The following AK7 variants were observed in gnomAD, a reference collection of about 807,000 sequenced individuals.
AK7 encodes the protein ATP-AMP transphosphorylase 7.
AK7 carries 78 observed loss-of-function variants against 96.6 expected under a neutral mutation model. That is an observed-to-expected ratio of 0.81 (90% CI 0.67 to 0.97). The LOEUF is 0.97. AK7 is among the 50% of genes least tolerant of loss of function. The pLI is 0.00. For synonymous variants in AK7, 302 were observed against 317.2 expected, an observed-to-expected ratio of 0.95 and a Z score of 0.51; for missense variants, 855 against 887.9, an observed-to-expected ratio of 0.96 and a Z score of 0.47.
rs535377026 is a variant in AK7, at chr14:96,475,603, T to C, written c.1555+2848T>C. ...ATAGGAGGGGCATTCCCAAGCAAGT[T>C]GTTACTATCTTTAGGTATTGGCTAG... On this transcript the variant is annotated intron_variant, in intron 14 of 17. Coordinates refer to ENST00000267584, the MANE Select transcript of AK7 (RefSeq NM_152327.5). Among the ~76,000 whole-genome samples, 3 of 152,266 alleles carry C rather than the reference T, an allele frequency of 2.0e-5. No individual in the cohort carries two copies. In the East Asian group the frequency reaches 5.8e-4, roughly 29 times the overall value.
chr14:96,478,415 A>G (rs1895305031), intron 14 of AK7, 50 bp from the exon 15 acceptor site: 2 of 1,589,626 alleles, frequency 1.3e-6, no homozygotes, highest in Non-Finnish European at 1.7e-6. Flanking sequence ...GCACCCTGCT[A>G]GTTAGCTGCG....
At chr14:96,436,073 C>G (rs1056361220) in intron 5 of AK7, among the ~76,000 whole-genome samples, 8 of 152,088 alleles carry the variant, frequency 5.3e-5, no homozygotes, top group African/African-American at 1.9e-4. Flanking sequence ...TCCATCCCGC[C>G]ATCTTGCCCT....
At chr14:96,463,451 G>A (rs893847297) in intron 12 of AK7, among the ~76,000 whole-genome samples, 2 of 151,942 alleles carry the variant, frequency 1.3e-5, no homozygotes, top group African/African-American at 4.8e-5. Flanking sequence ...CGGGCGCGGT[G>A]GCTCACTCCT....
At position 96,422,690 on chromosome 14, in the gene AK7, TGGCATTGTCTTTACAC is replaced by T. The variant is rs373729405; in HGVS notation, c.609+1759_609+1774del. Among the ~76,000 whole-genome samples, 1,454 of 152,322 alleles carry T rather than the reference TGGCATTGTCTTTACAC, an allele frequency of 9.5e-3. 7 individuals are homozygous for T. Among genetic ancestry groups the T allele is most frequent in the Non-Finnish European group, 0.014 (920 of 68,024 alleles). On this transcript the variant is annotated intron_variant, in intron 5 of 17. Transcript: ENST00000267584. ...GTTGGCTCATTCTGGCAGCCCAACCTGGCATTGTCTTTACACAATTCTGCATGCAATTTTGTATTTA... is the reference window on the plus strand; with the variant it reads ...GTTGGCTCATTCTGGCAGCCCAACCTAATTCTGCATGCAATTTTGTATTTA...
chr14:96,446,230 GCTAGAAAGAAGACAGGT>G (rs1368445546), intron 7 of AK7, among the ~76,000 whole-genome samples: 2 of 152,170 alleles, frequency 1.3e-5, no homozygotes, highest in African/African-American at 4.8e-5. Context: ...AGGGCAGTAT[GCTAGAAAGAAGACAGGT>G]CCAGAACCAG....
intron 5 of AK7, among the ~76,000 whole-genome samples, chr14:96,431,237 G>T (rs2140067462): frequency 6.6e-6 from 1 of 152,002 alleles, no homozygotes; most frequent in East Asian, 1.9e-4. Context: ...TTTTTGAAGG[G>T]TTTTTTTGTG....
chr14:96,435,149 C>T (rs1892570967), intron 5 of AK7, among the ~76,000 whole-genome samples: 1 of 152,116 alleles, frequency 6.6e-6, no homozygotes, highest in Non-Finnish European at 1.5e-5. Context: ...TTACTGTTCC[C>T]TCTGCTTTTC....
intron 4 of AK7, among the ~76,000 whole-genome samples, chr14:96,415,003 C>G (rs1891247950): frequency 6.6e-6 from 1 of 151,916 alleles, no homozygotes; most frequent in Admixed American, 6.6e-5. Context: ...AACCCACCTG[C>G]CTTGGCCTCC....
intron 5 of AK7, among the ~76,000 whole-genome samples, chr14:96,428,807 G>T (rs1421223488): frequency 6.6e-6 from 1 of 152,136 alleles, no homozygotes; most frequent in Non-Finnish European, 1.5e-5. Context: ...TTTTGATGGG[G>T]TTGTTTGATT....
Position 96,398,072 on chromosome 14 carries a change from C to A in AK7, c.106-3C>A. Reference sequence around the variant, plus strand: ...CATTTGGGAAATTTCTGTTTCCTTGCAGTTTCTATCTAACTGTGTAGTTGG... The same window carrying A: ...CATTTGGGAAATTTCTGTTTCCTTGAAGTTTCTATCTAACTGTGTAGTTGG... On this transcript the variant is annotated splice_region_variant and splice_polypyrimidine_tract_variant and intron_variant, in intron 1 of 17. Transcript: ENST00000267584. 4 of 1,611,258 alleles carry A rather than the reference C, an allele frequency of 2.5e-6. No homozygotes were observed. The highest frequency in any genetic ancestry group is 3.4e-6 in the Non-Finnish European group (4 of 1,178,342).
intron 10 of AK7, among the ~76,000 whole-genome samples, chr14:96,456,108 G>A (rs932286692): frequency 6.6e-6 from 1 of 151,822 alleles, no homozygotes; most frequent in African/African-American, 2.4e-5. Flanking sequence ...GCATGGTGGT[G>A]CGCACATGTA....
intron 4 of AK7, 124 bp from the exon 5 acceptor site, chr14:96,420,698 T>C: frequency 1.4e-6 from 1 of 694,138 alleles, no homozygotes. Context: ...GTCTCAAAAA[T>C]AAAAAAATAA....
rs187488073 is a variant in AK7 at position 96,412,045 on chromosome 14, G to T, written c.498+3104G>T. Among the ~76,000 whole-genome samples, 4 of 152,178 alleles carry T rather than the reference G, an allele frequency of 2.6e-5. No individual in the cohort carries two copies. The East Asian group carries it at 5.8e-4, about 22-fold the overall frequency. On this transcript the variant is annotated intron_variant, in intron 4 of 17. Coordinates refer to ENST00000267584, the MANE Select transcript of AK7 (RefSeq NM_152327.5). ...TCTTTTTCGTTTTGTTTTTAGAGAC[G>T]AAGTCTATAAAACAGAGCCCTCCAA...
intron 2 of AK7, among the ~76,000 whole-genome samples, chr14:96,402,177 A>G (rs1890447043): frequency 7.7e-6 from 1 of 130,516 alleles, no homozygotes. Context: ...GAAAGTGCAT[A>G]CACAGATGCA....
intron 7 of AK7, among the ~76,000 whole-genome samples, chr14:96,444,932 GGT>G (rs1416521828): frequency 1.3e-5 from 2 of 152,132 alleles, no homozygotes; most frequent in Non-Finnish European, 2.9e-5. Flanking sequence ...TGGTCAGGCT[GGT>G]CTCGAACTCC....
intron 7 of AK7, among the ~76,000 whole-genome samples, chr14:96,444,803 C>T (rs1324914527): frequency 2.6e-5 from 4 of 152,006 alleles, no homozygotes; most frequent in Non-Finnish European, 5.9e-5. Context: ...CTGCAACCTC[C>T]GCCTCCTGGG....
At chr14:96,409,526 C>T (rs1407159698) in intron 4 of AK7, among the ~76,000 whole-genome samples, 1 of 152,092 alleles carries the variant, frequency 6.6e-6, no homozygotes, top group African/African-American at 2.4e-5. Flanking sequence ...GAGCCAAGAT[C>T]GCACCACTGC....
intron 4 of AK7, among the ~76,000 whole-genome samples, chr14:96,411,327 T>C (rs543295071): frequency 6.6e-6 from 1 of 152,224 alleles, no homozygotes; most frequent in African/African-American, 2.4e-5. Context: ...CTGGTCAACA[T>C]GGTGAAACCC....
intron 1 of AK7, 30 bp downstream of exon 1, chr14:96,392,289 C>A: frequency 6.4e-7 from 1 of 1,571,172 alleles, no homozygotes; most frequent in Non-Finnish European, 8.8e-7. Context: ...CAGAGCCTCA[C>A]GCCAGCTCTC....
Sources: allele counts gnomAD v4.1 joint callset (sites outside exome capture counted in the v4.1 genomes callset), GRCh38; gene constraint gnomAD v4.1.1; transcripts MANE v1.5; gene names NCBI Gene and HGNC (gene_info 2026-07-23, HGNC 2026-07-21).